MDFIC2: variants seen among roughly 807,000 people sequenced by gnomAD.
MDFIC2 encodes MyoD family inhibitor domain containing 2, also known as myoD family inhibitor domain-containing protein 2.
At chr3:70,248,498 C>A (rs1456401769) in intron 2 of MDFIC2, among the ~76,000 whole-genome samples, 1 of 151,926 alleles carries the variant, frequency 6.6e-6, no homozygotes, top group Non-Finnish European at 1.5e-5. Flanking sequence ...GTAGGCATAG[C>A]TCAGAACTTG....
intron 2 of MDFIC2, among the ~76,000 whole-genome samples, chr3:70,280,283 A>G (rs1675043535): frequency 6.6e-6 from 1 of 152,150 alleles, no homozygotes; most frequent in Admixed American, 6.5e-5. Context: ...CATGTGATCC[A>G]TGTAATCTCT....
At chr3:70,230,174 A>C (rs1326155457) in intron 2 of MDFIC2, among the ~76,000 whole-genome samples, 2 of 152,216 alleles carry the variant, frequency 1.3e-5, no homozygotes, top group Non-Finnish European at 2.9e-5. Context: ...CACAAGAGCC[A>C]TCCATTTAAC....
At chr3:70,309,431 T>C (rs1242722936) in intron 2 of MDFIC2, among the ~76,000 whole-genome samples, 1 of 152,172 alleles carries the variant, frequency 6.6e-6, no homozygotes, top group East Asian at 1.9e-4. Context: ...GAGTAATGCT[T>C]TTAAAGAGGG....
chr3:70,300,280 T>C (rs1179912549), intron 2 of MDFIC2, among the ~76,000 whole-genome samples: 1 of 152,174 alleles, frequency 6.6e-6, no homozygotes, highest in Non-Finnish European at 1.5e-5. Context: ...ACATTTCTCC[T>C]TTATTTAAAT....
chr3:70,286,868 T>C (rs1274393764), intron 2 of MDFIC2, among the ~76,000 whole-genome samples: 1 of 152,102 alleles, frequency 6.6e-6, no homozygotes, highest in Admixed American at 6.5e-5. Context: ...TGTCTGTTGT[T>C]GGTGTATAAG....
chr3:70,276,948 A>G (rs1702032952), intron 2 of MDFIC2, among the ~76,000 whole-genome samples: 1 of 152,186 alleles, frequency 6.6e-6, no homozygotes, highest in Admixed American at 6.5e-5. Context: ...TAAAGTGAAC[A>G]TGTCTTGGTT....
At chr3:70,280,531 C>T (rs1702071837) in intron 2 of MDFIC2, among the ~76,000 whole-genome samples, 1 of 152,116 alleles carries the variant, frequency 6.6e-6, no homozygotes, top group Non-Finnish European at 1.5e-5. Context: ...AGCATTATCT[C>T]TACTTTTGCC....
intron 2 of MDFIC2, among the ~76,000 whole-genome samples, chr3:70,243,464 C>T (rs1480899624): frequency 2.6e-5 from 4 of 152,170 alleles, no homozygotes; most frequent in Admixed American, 6.5e-5. Context: ...TTAAATCCTA[C>T]TCACTGCACT....
intron 2 of MDFIC2, among the ~76,000 whole-genome samples, chr3:70,267,893 A>C (rs1430300570): frequency 6.6e-6 from 1 of 152,050 alleles, no homozygotes; most frequent in Non-Finnish European, 1.5e-5. Flanking sequence ...AGACTTGAAA[A>C]TTTGAGCCAA....
chr3:70,308,569 GA>G (rs1456246022), intron 2 of MDFIC2, among the ~76,000 whole-genome samples: 1 of 152,148 alleles, frequency 6.6e-6, no homozygotes, highest in Non-Finnish European at 1.5e-5. Flanking sequence ...CCCATTTGGG[GA>G]AAGTCAAGGG....
At chr3:70,293,117 A>G (rs946807377) in intron 2 of MDFIC2, among the ~76,000 whole-genome samples, 3 of 151,312 alleles carry the variant, frequency 2.0e-5, no homozygotes, top group African/African-American at 7.3e-5. Flanking sequence ...GTATTCACCA[A>G]CTGCTGCTCT....
At chr3:70,266,764 T>A (rs1031860774) in intron 2 of MDFIC2, among the ~76,000 whole-genome samples, 1 of 152,266 alleles carries the variant, frequency 6.6e-6, no homozygotes, top group East Asian at 1.9e-4. Flanking sequence ...TCTTTTAAAA[T>A]ATATTTCTAT....
intron 2 of MDFIC2, among the ~76,000 whole-genome samples, chr3:70,242,369 CT>C (rs1420426969): frequency 6.6e-6 from 1 of 152,090 alleles, no homozygotes; most frequent in East Asian, 1.9e-4. Context: ...AGTTTTTAAA[CT>C]TTTTTCCCAT....
Position 70,229,237 on chromosome 3 carries a change from A to C in MDFIC2, c.89-22447T>G, listed in dbSNP as rs564613847. On this transcript the variant is annotated intron_variant, in intron 2 of 3. Coordinates refer to ENST00000567252, the MANE Select transcript of MDFIC2 (RefSeq NM_001364677.1). ...AGGAGGAATGGTCAGGAAGCAAGAG[A>C]AAATTCCAGAGATAGCCAAGGAGGG... Among the ~76,000 whole-genome samples, 5 of 152,324 alleles carry C rather than the reference A, an allele frequency of 3.3e-5. No individual in the cohort carries two copies. In the South Asian group the frequency reaches 1.0e-3, roughly 32 times the overall value.
At chr3:70,247,941 A>G (rs1701723791) in intron 2 of MDFIC2, among the ~76,000 whole-genome samples, 1 of 152,134 alleles carries the variant, frequency 6.6e-6, no homozygotes, top group Non-Finnish European at 1.5e-5. Context: ...GATGAGATCA[A>G]TCATTACATT....
intron 2 of MDFIC2, among the ~76,000 whole-genome samples, chr3:70,214,737 G>C (rs1182645170): frequency 6.6e-6 from 1 of 151,852 alleles, no homozygotes; most frequent in Non-Finnish European, 1.5e-5. Flanking sequence ...CTGGTAACGA[G>C]GAACAATTGA....
intron 2 of MDFIC2, among the ~76,000 whole-genome samples, chr3:70,220,031 TAAAG>T (rs1348839395): frequency 3.3e-5 from 5 of 151,998 alleles, no homozygotes; most frequent in African/African-American, 4.8e-5. Flanking sequence ...ATTACAAAAA[TAAAG>T]AAAAGATTTT....
rs143794007 is a variant in MDFIC2, at chr3:70,260,939, G to T, written c.88+50947C>A. On this transcript the variant is annotated intron_variant, in intron 2 of 3. Transcript: ENST00000567252. ...CTAGCTGATGGAGAAACTGAGTCCAGGGAAGATAAGTGATTTTCTCAAGTT... is the reference window on the plus strand; with the variant it reads ...CTAGCTGATGGAGAAACTGAGTCCATGGAAGATAAGTGATTTTCTCAAGTT... 4.3e-3 allele frequency among the ~76,000 whole-genome samples: 658 copies of T among 152,208 alleles called. 8 individuals are homozygous for T. Among genetic ancestry groups the T allele is most frequent in the African/African-American group, 0.015 (607 of 41,532 alleles).
chr3:70,238,247 T>A (rs1006359296), intron 2 of MDFIC2, among the ~76,000 whole-genome samples: 4 of 151,896 alleles, frequency 2.6e-5, no homozygotes, highest in Non-Finnish European at 4.4e-5. Context: ...AGTTCTCTCC[T>A]TCTATGTAAG....
Sources: allele counts gnomAD v4.1 joint callset (sites outside exome capture counted in the v4.1 genomes callset), GRCh38; gene constraint gnomAD v4.1.1; transcripts MANE v1.5; gene names NCBI Gene and HGNC (gene_info 2026-07-23, HGNC 2026-07-21).